Variants in DCAF12 observed in about 807,000 individuals in gnomAD.
DCAF12 encodes the protein DDB1- and CUL4-associated factor 12.
Under a neutral mutation model 52.8 loss-of-function variants are expected in DCAF12, and 28 were observed. The ratio of observed to expected loss-of-function variants is 0.53; its 90% CI spans 0.39 to 0.73. DCAF12 has a LOEUF of 0.73. Ranked by LOEUF, DCAF12 falls within the 30% of genes least tolerant of loss-of-function variation. The probability of loss-of-function intolerance (pLI) is 0.00; values close to 1 mark genes in which losing one functional copy is unlikely to be tolerated. For missense variants in DCAF12, 425 were observed against 552.2 expected, an observed-to-expected ratio of 0.77 and a Z score of 2.31; for synonymous variants, 196 against 215.5, an observed-to-expected ratio of 0.91 and a Z score of 0.79.
chr9:34,100,447 C>T (rs1828810632), intron 4 of DCAF12, among the ~76,000 whole-genome samples: 1 of 151,528 alleles, frequency 6.6e-6, no homozygotes, highest in African/African-American at 2.4e-5. Flanking sequence ...ATCCACCTGC[C>T]TCGGCCTCCC....
chr9:34,110,516 A>C (rs935860247), intron 2 of DCAF12, among the ~76,000 whole-genome samples: 1 of 152,190 alleles, frequency 6.6e-6, no homozygotes, highest in African/African-American at 2.4e-5. Flanking sequence ...CTAAAAATGG[A>C]AATCTTCCCA....
Position 34,093,378 on chromosome 9 carries a change from TA to T in DCAF12, c.931del (p.Tyr311MetfsTer36), listed in dbSNP as rs1828679642. 1 of 1,614,076 alleles carries T rather than the reference TA, an allele frequency of 6.2e-7. No individual in the cohort carries two copies. On this transcript the variant is annotated frameshift_variant, in exon 7 of 9. Coordinates refer to ENST00000361264, the MANE Select transcript of DCAF12 (RefSeq NM_015397.4). LOFTEE classifies it high-confidence loss of function. ...CLAYGSEWSV[Y>X]AVGSQAHVSF... is the part of the protein sequence containing the mutation. ...GACATGAGCTTGGGAGCCCACTGCA[TA>T]AACTGACCATTCACTACCATAAGCC...
intron 2 of DCAF12, among the ~76,000 whole-genome samples, chr9:34,111,509 G>C (rs1226719557): frequency 6.6e-6 from 1 of 152,174 alleles, no homozygotes; most frequent in Non-Finnish European, 1.5e-5. Context: ...TCTAAGTGCA[G>C]AGAATTTATC....
At chr9:34,125,794 A>T (rs1432768582) in intron 1 of DCAF12, 5 of 279,548 alleles carry the variant, frequency 1.8e-5, no homozygotes, top group Non-Finnish European at 3.8e-5. Flanking sequence ...TCAACCGCCA[A>T]CGGGGTAGTA....
intron 1 of DCAF12, 28 bp from the exon 2 acceptor site, chr9:34,125,305 C>T (rs773756188): frequency 6.2e-7 from 1 of 1,610,776 alleles, no homozygotes; most frequent in Non-Finnish European, 8.5e-7. Context: ...GAAATCAGGG[C>T]TTTGGCTACT....
At position 34,126,533 on chromosome 9, in the gene DCAF12, G is replaced by C; in HGVS notation, c.-102C>G. The C allele has an allele frequency of 1.5e-6, 2 of 1,322,484 alleles. No individual in the cohort carries two copies. Among genetic ancestry groups the C allele is most frequent in the Non-Finnish European group, 2.0e-6 (2 of 992,250 alleles). 81.9% of individuals were successfully genotyped at this position (1,322,484 alleles called of 1,614,324 possible). On this transcript the variant is annotated 5_prime_UTR_variant, in exon 1 of 9. Transcript: ENST00000361264. ...CTGGGCCCCGGGGCCGCGCACCTTA[G>C]TGCGCCCGGCCCGGAAAATGGCCCG... is the stretch of plus-strand genomic sequence containing the variant.
rs745623290 is a variant in DCAF12 at position 34,086,723 on chromosome 9, T to G, written c.*1627A>C. ...GATGAGAATTCCAGAACCTGTGGTA[T>G]GTGCTGTGTAACAAGTTAGGGTGGA... On this transcript the variant is annotated 3_prime_UTR_variant, in exon 9 of 9. Coordinates refer to ENST00000361264, the MANE Select transcript of DCAF12 (RefSeq NM_015397.4). 7 of 152,204 alleles carry G rather than the reference T, an allele frequency of 4.6e-5. No homozygotes were observed. The highest frequency in any genetic ancestry group is 4.4e-5 in the Non-Finnish European group (3 of 68,040). 9.4% of individuals were successfully genotyped at this position (152,204 alleles called of 1,614,324 possible). A position where few individuals can be genotyped will look rare whatever the true frequency, so the allele number is the denominator to read the frequency against.
chr9:34,124,956 G>A, intron 2 of DCAF12, 67 bp downstream of exon 2: 1 of 1,577,970 alleles, frequency 6.3e-7, no homozygotes, highest in South Asian at 1.2e-5. Flanking sequence ...ACTAGCAGAG[G>A]TTCTAGAGCA....
Position 34,098,446 on chromosome 9 carries a change from T to C in DCAF12, c.673A>G (p.Asn225Asp), listed in dbSNP as rs1648420808. The C allele has an allele frequency of 6.2e-7, 1 of 1,614,216 alleles. No homozygotes were observed. Among genetic ancestry groups the C allele is most frequent in the Non-Finnish European group, 8.5e-7 (1 of 1,180,036 alleles). The stretch of plus-strand genomic sequence containing the variant: ...GCATACACAGGGACCCGTGACACAT[T>C]GTGTCTCGCATCACTTTTGGTCAAA... ...DVLTKSDARHNVSRVPVYAHI... is the reference protein window; with the variant it reads ...DVLTKSDARHDVSRVPVYAHI... The change falls in exon 5 of 9, where the codon AAT (asparagine) becomes GAT (aspartate). Residue 225 changes from asparagine (N) to aspartate (D), a missense_variant. By Grantham distance (23) the Asn-to-Asp change is conservative (BLOSUM62 1). Coordinates refer to ENST00000361264, the MANE Select transcript of DCAF12 (RefSeq NM_015397.4).
intron 2 of DCAF12, among the ~76,000 whole-genome samples, chr9:34,117,727 C>T (rs1457427466): frequency 1.3e-5 from 2 of 152,092 alleles, no homozygotes; most frequent in Non-Finnish European, 2.9e-5. Flanking sequence ...CCAGCCTCAC[C>T]AACATGGAGA....
intron 1 of DCAF12, 47 bp from the exon 2 acceptor site, chr9:34,125,324 G>C (rs1829232615): frequency 6.2e-7 from 1 of 1,600,306 alleles, no homozygotes; most frequent in East Asian, 2.2e-5. Context: ...CTCTTCTTCA[G>C]AACAGATCCT....
At chr9:34,121,315 G>T (rs1237371564) in intron 2 of DCAF12, among the ~76,000 whole-genome samples, 1 of 152,084 alleles carries the variant, frequency 6.6e-6, no homozygotes, top group Non-Finnish European at 1.5e-5. Flanking sequence ...CATAGAATTT[G>T]CCCGTCGTGA....
intron 2 of DCAF12, among the ~76,000 whole-genome samples, chr9:34,122,854 T>A (rs971707227): frequency 6.6e-6 from 1 of 152,186 alleles, no homozygotes; most frequent in African/African-American, 2.4e-5. Flanking sequence ...CCTTCTGTAG[T>A]TCTTTGCAGC....
intron 2 of DCAF12, among the ~76,000 whole-genome samples, chr9:34,123,142 G>A (rs1322822693): frequency 6.6e-6 from 1 of 152,188 alleles, no homozygotes; most frequent in Non-Finnish European, 1.5e-5. Context: ...GGGATTGAAT[G>A]ACTACCCTAG....
At chr9:34,096,228 A>G (rs187391797) in intron 6 of DCAF12, 2 of 152,342 alleles carry the variant, frequency 1.3e-5, no homozygotes, top group African/African-American at 4.8e-5. Context: ...CAAAAAAAAC[A>G]ACCAGATGGG....
intron 5 of DCAF12, among the ~76,000 whole-genome samples, chr9:34,097,350 C>T (rs1828751706): frequency 6.6e-6 from 1 of 150,726 alleles, no homozygotes; most frequent in African/African-American, 2.4e-5. Flanking sequence ...CCAACCTCCA[C>T]CTCCTATAGT....
intron 4 of DCAF12, among the ~76,000 whole-genome samples, chr9:34,098,794 A>T (rs1304746012): frequency 6.6e-6 from 1 of 152,128 alleles, no homozygotes; most frequent in East Asian, 1.9e-4. Flanking sequence ...TTTGAGACAG[A>T]GTCTCGCTTT....
intron 7 of DCAF12, among the ~76,000 whole-genome samples, chr9:34,092,705 AC>A (rs1828664709): frequency 1.3e-5 from 2 of 151,722 alleles, no homozygotes; most frequent in African/African-American, 4.8e-5. Flanking sequence ...AACAACAACA[AC>A]AAAAAAAAAG....
chr9:34,095,467 A>T (rs1048796589), intron 6 of DCAF12, among the ~76,000 whole-genome samples: 2 of 137,194 alleles, frequency 1.5e-5, no homozygotes, highest in African/African-American at 5.6e-5. Flanking sequence ...TGCAGCCTTG[A>T]CCTCCTCAGC....
Sources: gnomAD v4.1 joint callset for allele counts (sites outside exome capture counted in the v4.1 genomes callset) on GRCh38, gnomAD v4.1.1 for gene constraint, MANE v1.5 for transcripts, NCBI Gene and HGNC (gene_info 2026-07-23, HGNC 2026-07-21) for gene names.